Variants in XPNPEP1 observed in about 807,000 individuals in gnomAD.
XPNPEP1 encodes the protein X-prolyl aminopeptidase 1.
A neutral mutation model predicts 92.4 loss-of-function variants in XPNPEP1; 39 were observed. The ratio of observed to expected loss-of-function variants is 0.42; its 90% confidence interval spans 0.33 to 0.55. The LOEUF (loss-of-function observed/expected upper bound fraction) is 0.55. Among genes scored for constraint, XPNPEP1 ranks in the 20% least tolerant of loss-of-function variants. The pLI is 0.08. For missense variants in XPNPEP1, 654 were observed against 856.1 expected, an observed-to-expected ratio of 0.76 and a Z score of 2.95; for synonymous variants, 307 against 299.4, an observed-to-expected ratio of 1.03 and a Z score of -0.26.
chr10:109,894,746 C>T (rs1848893518), intron 3 of XPNPEP1, among the ~76,000 whole-genome samples: 1 of 152,134 alleles, frequency 6.6e-6, no homozygotes, highest in African/African-American at 2.4e-5. Flanking sequence ...CTCTCTCAGC[C>T]TCATTTCCTC....
At chr10:109,871,710 C>T in intron 17 of XPNPEP1, 82 bp downstream of exon 17, 3 of 1,481,666 alleles carry the variant, frequency 2.0e-6, no homozygotes, top group Non-Finnish European at 2.8e-6. Flanking sequence ...GAAGGAACGA[C>T]ATGTTCTTTC....
intron 12 of XPNPEP1, 174 bp from the exon 13 acceptor site, chr10:109,878,232 A>G (rs1847889799): frequency 1.6e-6 from 1 of 631,770 alleles, no homozygotes; most frequent in African/African-American, 1.8e-5. Flanking sequence ...CACCAAAGCT[A>G]TCTAAAATCC....
intron 2 of XPNPEP1, among the ~76,000 whole-genome samples, chr10:109,914,802 A>AG (rs2133562648): frequency 6.6e-6 from 1 of 152,026 alleles, no homozygotes; most frequent in African/African-American, 2.4e-5. Flanking sequence ...CGTCTCAAAA[A>AG]AAAAAAAAAA....
At chr10:109,868,504 A>G (rs962461802) in intron 20 of XPNPEP1, 110 bp downstream of exon 20, 3 of 1,021,012 alleles carry the variant, frequency 2.9e-6, no homozygotes, top group Non-Finnish European at 4.3e-6. Context: ...TAAAAATTAC[A>G]AAGTGAGACT....
At chr10:109,901,260 T>A (rs531814750) in intron 3 of XPNPEP1, among the ~76,000 whole-genome samples, 4 of 92,038 alleles carry the variant, frequency 4.3e-5, no homozygotes, top group African/African-American at 1.8e-4. Context: ...GGGCCTGTCA[T>A]GGGGTGGGGG....
Position 109,871,828 on chromosome 10 carries a change from C to A in XPNPEP1, c.1486G>T (p.Ala496Ser), listed in dbSNP as rs1259748581. 6.2e-7 allele frequency: 1 copy of A among 1,614,196 alleles called. No homozygotes were observed. Among genetic ancestry groups the A allele is most frequent in the African/African-American group, 1.3e-5 (1 of 75,036 alleles). ...GTCGGGAAAACGGCTGCACTCACAG[C>A]TATGTGGCCCTTGAGGACATATGTG... is the stretch of plus-strand genomic sequence containing the variant. ...CFTYVLKGHI[A>S]VSAAVFPTGT... The change falls in exon 17 of 21, where the codon GCT (alanine) becomes TCT (serine). Residue 496 changes from alanine to serine, a missense_variant. Physicochemically the swap from Ala to Ser is moderately conservative, Grantham distance 99. Transcript: ENST00000502935.
At chr10:109,891,852 A>C in intron 4 of XPNPEP1, 26 bp from the exon 5 acceptor site, 1 of 1,602,210 alleles carries the variant, frequency 6.2e-7, no homozygotes, top group Non-Finnish European at 8.5e-7. Flanking sequence ...AAAAAAAAAG[A>C]AGAAGAAAGG....
In XPNPEP1 at chr10:109,880,864, G is replaced by A. The variant is rs1039339400; in HGVS notation, c.1109C>T (p.Ser370Leu). The change falls in exon 11 of 21, where the codon TCA (serine) becomes TTA (leucine). Residue 370 changes from serine (S) to leucine (L), a missense_variant. By Grantham distance (145) the Ser-to-Leu change is moderately radical. Coordinates refer to ENST00000502935, the MANE Select transcript of XPNPEP1 (RefSeq NM_020383.4). ...IAKAVKNSAESEGMRRAHIKD... is the reference protein window; with the variant it reads ...IAKAVKNSAELEGMRRAHIKD... ...CACGTGAGCCCGCCTCATGCCTTCT[G>A]ACTCAGCTGAATTCTTCACAGCTTT... 1.9e-6 allele frequency: 3 copies of A among 1,613,996 alleles called. No homozygotes were observed. The highest frequency in any genetic ancestry group is 1.7e-6 in the Non-Finnish European group (2 of 1,179,998).
rs560926337 is a variant in XPNPEP1, at chr10:109,905,046, A to G, written c.246+2645T>C. On this transcript the variant is annotated intron_variant, in intron 3 of 20. Coordinates refer to ENST00000502935, the MANE Select transcript of XPNPEP1 (RefSeq NM_020383.4). ...CACAGATGAACAGGTTAAAAAAAAA[A>G]AGTCTCTAAATAAAATGGAATATTA... Among the ~76,000 whole-genome samples the G allele has an allele frequency of 5.9e-5, 9 of 152,306 alleles. No homozygotes were observed. In the East Asian group the frequency reaches 1.5e-3, roughly 26 times the overall value.
chr10:109,915,690 AT>A (rs1850146509), intron 1 of XPNPEP1, among the ~76,000 whole-genome samples: 1 of 152,056 alleles, frequency 6.6e-6, no homozygotes, highest in Non-Finnish European at 1.5e-5. Context: ...CAGTTCTGTT[AT>A]TGTTTGCTTC....
At chr10:109,899,749 A>G (rs1378748944) in intron 3 of XPNPEP1, among the ~76,000 whole-genome samples, 4 of 152,270 alleles carry the variant, frequency 2.6e-5, no homozygotes, top group Non-Finnish European at 5.9e-5. Context: ...TCACATTGGC[A>G]GAGTCAGTCC....
chr10:109,903,996 C>T (rs1481935854), intron 3 of XPNPEP1, among the ~76,000 whole-genome samples: 1 of 151,690 alleles, frequency 6.6e-6, no homozygotes, highest in Admixed American at 6.6e-5. Flanking sequence ...AGCCATGAGC[C>T]ACCACGCCCA....
rs1300392442 is a variant in XPNPEP1, at chr10:109,865,173, G to A, written c.*11C>T. ...GAGCATTTTACAAAAACAAAACCGG[G>A]GAGGTATTTATTAATGCTGTTTGGA... On this transcript the variant is annotated 3_prime_UTR_variant, in exon 21 of 21. Transcript: ENST00000502935. The A allele has an allele frequency of 1.2e-6, 2 of 1,613,932 alleles. No individual in the cohort carries two copies. The highest frequency in any genetic ancestry group is 2.2e-5 in the East Asian group (1 of 44,900).
intron 1 of XPNPEP1, among the ~76,000 whole-genome samples, chr10:109,918,623 T>C (rs1037995765): frequency 1.3e-5 from 2 of 151,836 alleles, no homozygotes; most frequent in African/African-American, 4.8e-5. Context: ...TAGCCAGGCA[T>C]GGTGGCGGGC....
chr10:109,872,730 T>C (rs890020252), intron 16 of XPNPEP1, among the ~76,000 whole-genome samples: 2 of 152,254 alleles, frequency 1.3e-5, no homozygotes, highest in African/African-American at 2.4e-5. Flanking sequence ...GCAGTGACTA[T>C]GATCCAGGAA....
intron 1 of XPNPEP1, 27 bp downstream of exon 1, chr10:109,923,375 C>G: frequency 2.8e-6 from 4 of 1,429,194 alleles, no homozygotes; most frequent in Non-Finnish European, 2.8e-6. Context: ...GCTGCCCGGA[C>G]GCCGGCTGCC....
At chr10:109,880,158 C>A (rs1250502059) in intron 12 of XPNPEP1, 30 bp downstream of exon 12, 36 of 1,608,888 alleles carry the variant, frequency 2.2e-5, no homozygotes, top group Non-Finnish European at 3.0e-5. Flanking sequence ...TAATGTATAT[C>A]CACATATTAA....
At chr10:109,892,234 C>T (rs907329427) in intron 4 of XPNPEP1, among the ~76,000 whole-genome samples, 1 of 152,182 alleles carries the variant, frequency 6.6e-6, no homozygotes, top group African/African-American at 2.4e-5. Flanking sequence ...GGAGCTGTTT[C>T]ACCTTTCCTG....
intron 14 of XPNPEP1, chr10:109,876,255 G>A (rs1847780619): frequency 6.6e-6 from 1 of 152,394 alleles, no homozygotes; most frequent in South Asian, 2.1e-4. Context: ...ACTGCACTGG[G>A]AAACACCCAA....
Sources: gnomAD v4.1 joint callset for allele counts (sites outside exome capture counted in the v4.1 genomes callset) on GRCh38, gnomAD v4.1.1 for gene constraint, MANE v1.5 for transcripts, NCBI Gene and HGNC (gene_info 2026-07-23, HGNC 2026-07-21) for gene names.